NLRP5: variants seen among roughly 807,000 people sequenced by gnomAD.
NLRP5 encodes NLR family pyrin domain containing 5.
Under a neutral mutation model 113.1 loss-of-function variants are expected in NLRP5, and 93 were observed. The ratio of observed to expected loss-of-function variants is 0.82; its 90% CI spans 0.70 to 0.98. The LOEUF (loss-of-function observed/expected upper bound fraction) is 0.98, where lower values mean the gene tolerates loss of function less well. NLRP5 is among the 50% of genes least tolerant of loss of function. The probability of loss-of-function intolerance (pLI) is 0.00; values close to 1 mark genes in which losing one functional copy is unlikely to be tolerated. For missense variants in NLRP5, 1,808 were observed against 1,514.3 expected (o/e 1.19, Z -3.22); for synonymous variants, 751 against 600.7 (o/e 1.25, Z -3.66).
At chr19:56,019,927 C>T (rs1227648889) in intron 5 of NLRP5, among the ~76,000 whole-genome samples, 1 of 151,162 alleles carries the variant, frequency 6.6e-6, no homozygotes, top group Admixed American at 6.6e-5. Context: ...ACCTCTGCCT[C>T]CCAGGTTCAA....
chr19:56,027,566 G>A lies in NLRP5; in HGVS notation c.1333G>A (p.Gly445Arg), dbSNP rs369303565. The stretch of plus-strand genomic sequence containing the variant: ...AAGAATCCACTTGCTCCTTGAGCGC[G>A]GGATTGGTGAGCATCAGAAGACACA... Residue 445 changes from glycine (G) to arginine (R), a missense_variant, in exon 7 of 15, where the codon GGG (glycine) becomes AGG (arginine). Transcript: ENST00000390649. 5.2e-5 allele frequency: 84 copies of A among 1,613,844 alleles called. No individual in the cohort carries two copies. Among genetic ancestry groups the A allele is most frequent in the Non-Finnish European group, 4.6e-5 (54 of 1,179,900 alleles).
chr19:56,013,596 G>GTTTTTTTTTTTTTTTTTGT (rs1982288879), intron 3 of NLRP5, among the ~76,000 whole-genome samples: 1 of 59,288 alleles, frequency 1.7e-5, no homozygotes. Flanking sequence ...GGACATTTGG[G>GTTTTTTTTTTTTTTTTTGT]TTTTTTTTTT....
At chr19:56,040,242 C>T (rs7255126) in intron 10 of NLRP5, among the ~76,000 whole-genome samples, 12,599 of 152,142 alleles carry the variant, frequency 0.083, 559 homozygotes, top group Non-Finnish European at 0.097. Context: ...CCACGGTGCC[C>T]GCCCTAAGTG....
intron 12 of NLRP5, 38 bp downstream of exon 12, chr19:56,050,626 C>CTGGGG (rs774347737): frequency 6.9e-6 from 11 of 1,589,156 alleles, no homozygotes; most frequent in Non-Finnish European, 9.5e-6. Context: ...CTCTATCATA[C>CTGGGG]TGGGGTCTGG....
Position 56,028,371 on chromosome 19 carries a change from C to T in NLRP5, c.2138C>T (p.Pro713Leu), listed in dbSNP as rs368341158. The T allele has an allele frequency of 6.7e-5, 108 of 1,613,854 alleles. No individual in the cohort carries two copies. The Admixed American group carries it at 1.5e-3, about 22-fold the overall frequency. ...AACAGCTTCCAAGAAGTGTGGCTTC[C>T]GATTAACCAGAACCTGGACTTGATA... is the stretch of plus-strand genomic sequence containing the variant. The change falls in exon 7 of 15, where the codon CCG becomes CTG. Residue 713 changes from proline (P) to leucine (L), a missense_variant. Coordinates refer to ENST00000390649, the MANE Select transcript of NLRP5 (RefSeq NM_153447.4).
chr19:56,015,268 T>C (rs941573767), intron 3 of NLRP5, among the ~76,000 whole-genome samples: 2 of 152,180 alleles, frequency 1.3e-5, no homozygotes, highest in Non-Finnish European at 2.9e-5. Context: ...TGATGTCGGC[T>C]CACTGAAACC....
Position 56,003,943 on chromosome 19 carries a change from C to A in NLRP5, c.290C>A (p.Pro97Gln). 1 of 1,613,952 alleles carries A rather than the reference C, an allele frequency of 6.2e-7. No individual in the cohort carries two copies. The highest frequency in any genetic ancestry group is 8.5e-7 in the Non-Finnish European group (1 of 1,179,886). Residue 97 changes from proline to glutamine, a missense_variant, in exon 2 of 15, where the codon CCA becomes CAA. Physicochemically the swap from Pro to Gln is moderately conservative, Grantham distance 76. Coordinates refer to ENST00000390649, the MANE Select transcript of NLRP5 (RefSeq NM_153447.4). ...TCAGAATCGACCACATGCTCTATTC[C>A]ACAGTTTGAAATCGAGAATGCCAAC... is the stretch of plus-strand genomic sequence containing the variant.
chr19:55,987,488 A>G, the NLRP5 span, among the ~76,000 whole-genome samples: 7 of 152,170 alleles, frequency 4.6e-5, no homozygotes, highest in South Asian at 1.0e-3. Context: ...TGCAAATACT[A>G]TGGTTAACCG....
the NLRP5 span, chr19:55,988,044 C>A: frequency 1.5e-6 from 1 of 677,148 alleles, no homozygotes; most frequent in Non-Finnish European, 2.6e-6. Context: ...GTCAACACCA[C>A]AGAACCTCAG....
chr19:56,037,834 C>G (rs1983375909), intron 9 of NLRP5, among the ~76,000 whole-genome samples, 191 bp from the exon 10 acceptor site: 1 of 152,078 alleles, frequency 6.6e-6, no homozygotes, highest in Non-Finnish European at 1.5e-5. Flanking sequence ...ACGTGAACCC[C>G]ATGAAAACCT....
chr19:56,007,822 CAGAA>C (rs1287782226), intron 2 of NLRP5, among the ~76,000 whole-genome samples: 2 of 150,480 alleles, frequency 1.3e-5, no homozygotes, highest in Non-Finnish European at 2.9e-5. Flanking sequence ...GATGATGGCA[CAGAA>C]AGAAGTAGAA....
At chr19:56,042,081 G>A (rs753522962) in intron 11 of NLRP5, among the ~76,000 whole-genome samples, 4 of 152,184 alleles carry the variant, frequency 2.6e-5, no homozygotes, top group Non-Finnish European at 4.4e-5. Context: ...TGGGAGCAAC[G>A]TGTGTCTGGA....
At position 56,003,796 on chromosome 19, in the gene NLRP5, C is replaced by A. The variant is rs753738162; in HGVS notation, c.143C>A (p.Pro48His). ...TTCCCCCAAAACCTGAGCTCTCAGC[C>A]TTGTATCAAGATGGAAGGAGACAAA... Residue 48 changes from proline to histidine, a missense_variant, in exon 2 of 15, where the codon CCT becomes CAT. Coordinates refer to ENST00000390649, the MANE Select transcript of NLRP5 (RefSeq NM_153447.4). 5 of 1,613,952 alleles carry A rather than the reference C, an allele frequency of 3.1e-6. No individual in the cohort carries two copies. The highest frequency in any genetic ancestry group is 1.7e-5 in the Admixed American group (1 of 60,004).
chr19:56,037,459 C>T (rs929505506), intron 9 of NLRP5, among the ~76,000 whole-genome samples: 1 of 151,964 alleles, frequency 6.6e-6, no homozygotes, highest in African/African-American at 2.4e-5. Flanking sequence ...CTTTGGGAGG[C>T]CAAGGCGGGT....
chr19:55,995,348 T>G (rs1369583816), upstream of NLRP5, among the ~76,000 whole-genome samples: 3 of 152,148 alleles, frequency 2.0e-5, no homozygotes, highest in African/African-American at 7.2e-5. Flanking sequence ...CCCTAGAACT[T>G]AAAGTATTAA....
chr19:56,044,760 G>T (rs981898620), intron 11 of NLRP5, among the ~76,000 whole-genome samples: 4 of 152,134 alleles, frequency 2.6e-5, no homozygotes, highest in Non-Finnish European at 4.4e-5. Flanking sequence ...GTGGTATTTT[G>T]ATGGGGATTG....
At chr19:56,036,591 CAAAAA>C (rs1423855626) in intron 9 of NLRP5, among the ~76,000 whole-genome samples, 1 of 152,166 alleles carries the variant, frequency 6.6e-6, no homozygotes, top group African/African-American at 2.4e-5. Context: ...CAGAACAAGA[CAAAAA>C]GAATGATGTG....
At position 56,027,389 on chromosome 19, in the gene NLRP5, C is replaced by G. The variant is rs1474029776; in HGVS notation, c.1156C>G (p.Pro386Ala). 1 of 1,613,390 alleles carries G rather than the reference C, an allele frequency of 6.2e-7. No homozygotes were observed. The highest frequency in any genetic ancestry group is 2.2e-5 in the East Asian group (1 of 44,894). ...CTGCAAAGACTGGGCTGAGAAGCAG[C>G]CTCCGTTCACCCTCATACGCAGTCT... The change falls in exon 7 of 15, where the codon CCT (proline) becomes GCT (alanine). Residue 386 changes from proline (P) to alanine (A), a missense_variant. Pro to Ala is a conservative substitution (Grantham distance 27, BLOSUM62 -1). Coordinates refer to ENST00000390649, the MANE Select transcript of NLRP5 (RefSeq NM_153447.4).
chr19:56,011,514 ACT>A (rs1013970694), intron 3 of NLRP5, among the ~76,000 whole-genome samples: 1 of 152,112 alleles, frequency 6.6e-6, no homozygotes, highest in African/African-American at 2.4e-5. Context: ...CTATTACAAA[ACT>A]CTAGAGAAGA....
Sources: gnomAD v4.1 joint callset for allele counts (sites outside exome capture counted in the v4.1 genomes callset) on GRCh38, gnomAD v4.1.1 for gene constraint, MANE v1.5 for transcripts, NCBI Gene and HGNC (gene_info 2026-07-23, HGNC 2026-07-21) for gene names.